Variants in DLG2 observed in about 807,000 individuals in gnomAD.
DLG2 encodes the protein discs large MAGUK scaffold protein 2.
DLG2 carries 45 observed loss-of-function variants against 132.5 expected under a neutral mutation model. The observed-to-expected ratio is 0.34, with a 90% CI of 0.27 to 0.44. The LOEUF (loss-of-function observed/expected upper bound fraction) is 0.44, where lower values mean the gene tolerates loss of function less well. DLG2 is among the 20% of genes least tolerant of loss of function. DLG2 has a pLI of 1.00. For missense variants in DLG2, 1,045 were observed against 1,196.9 expected (o/e 0.87, Z 1.87); for synonymous variants, 424 against 419.6 (o/e 1.01, Z -0.13).
intron 19 of DLG2, among the ~76,000 whole-genome samples, chr11:83,612,283 G>C (rs1285371661): frequency 6.6e-6 from 1 of 152,162 alleles, no homozygotes; most frequent in Admixed American, 6.5e-5. Context: ...TTTAGAACAG[G>C]CTTCTCAACT....
At chr11:85,197,030 C>T (rs547286577) in intron 4 of DLG2, among the ~76,000 whole-genome samples, 1 of 152,256 alleles carries the variant, frequency 6.6e-6, no homozygotes, top group Admixed American at 6.5e-5. Context: ...AAATTTTTCT[C>T]CTTTCTACAT....
chr11:83,965,268 T>C (rs1329890097), intron 13 of DLG2, 56 bp downstream of exon 13: 55 of 1,538,442 alleles, frequency 3.6e-5, no homozygotes, highest in Admixed American at 7.8e-5. Context: ...AACAGTTTTA[T>C]AGAATTCCAG....
chr11:84,514,342 T>C (rs1194021685), intron 7 of DLG2, among the ~76,000 whole-genome samples: 2 of 152,048 alleles, frequency 1.3e-5, no homozygotes, highest in Non-Finnish European at 2.9e-5. Flanking sequence ...CACTCCTGGG[T>C]ATATACCTAA....
At chr11:84,874,018 A>G (rs2085918640) in intron 6 of DLG2, among the ~76,000 whole-genome samples, 2 of 152,234 alleles carry the variant, frequency 1.3e-5, no homozygotes. Flanking sequence ...GGAAAAACAC[A>G]GAGATTAAAA....
At chr11:84,855,321 C>T (rs190523334) in intron 6 of DLG2, among the ~76,000 whole-genome samples, 1 of 152,136 alleles carries the variant, frequency 6.6e-6, no homozygotes, top group Admixed American at 6.6e-5. Context: ...AAAGTGATAA[C>T]CGGGAATAAT....
At chr11:85,411,133 G>A (rs2089272257) in intron 3 of DLG2, among the ~76,000 whole-genome samples, 2 of 151,760 alleles carry the variant, frequency 1.3e-5, no homozygotes, top group East Asian at 1.9e-4. Flanking sequence ...GAAGTATAAA[G>A]AGAACAAGTA....
chr11:84,214,202 T>TATACATATATATATGAATACATATATAC (rs1566950813), intron 8 of DLG2, among the ~76,000 whole-genome samples: 6 of 147,784 alleles, frequency 4.1e-5, no homozygotes, highest in South Asian at 2.1e-4. Context: ...TTCATATATA[T>TATACATATATATATGAATACATATATAC]ATACATATAT....
At chr11:84,044,099 C>T (rs1036791624) in intron 11 of DLG2, among the ~76,000 whole-genome samples, 4 of 151,666 alleles carry the variant, frequency 2.6e-5, no homozygotes, top group African/African-American at 9.7e-5. Context: ...AGCTCTGGAG[C>T]CAGACACCAG....
In DLG2 at chr11:84,251,246, T is replaced by G; in HGVS notation, c.565A>C (p.Ile189Leu). 6.3e-7 allele frequency: 1 copy of G among 1,583,966 alleles called. No individual in the cohort carries two copies. The highest frequency in any genetic ancestry group is 8.6e-7 in the Non-Finnish European group (1 of 1,168,492). ...ATGAAAAAGTTACTTACATAAGGAATTGTGTCCAAAGTATCTGTGTTGACA... is the reference window on the plus strand; with the variant it reads ...ATGAAAAAGTTACTTACATAAGGAAGTGTGTCCAAAGTATCTGTGTTGACA... ...IIVNTDTLDT[I>L]PYVNGTEIEY... The change falls in exon 8 of 28, where the codon ATT (isoleucine) becomes CTT (leucine). Residue 189 changes from isoleucine (I) to leucine (L), a missense_variant. Coordinates refer to ENST00000376104, the MANE Select transcript of DLG2 (RefSeq NM_001142699.3).
At chr11:83,536,672 A>G (rs2095885632) in intron 20 of DLG2, among the ~76,000 whole-genome samples, 1 of 151,918 alleles carries the variant, frequency 6.6e-6, no homozygotes, top group Non-Finnish European at 1.5e-5. Flanking sequence ...CACTTCACCT[A>G]TAATAGCTAT....
intron 4 of DLG2, among the ~76,000 whole-genome samples, chr11:85,261,034 C>T (rs1012795672): frequency 6.6e-6 from 1 of 152,102 alleles, no homozygotes; most frequent in Non-Finnish European, 1.5e-5. Flanking sequence ...GTGCATCTGG[C>T]TGGGGCCCAG....
intron 6 of DLG2, among the ~76,000 whole-genome samples, chr11:84,892,443 T>C (rs1213392172): frequency 6.6e-6 from 1 of 152,184 alleles, no homozygotes; most frequent in African/African-American, 2.4e-5. Context: ...TCTGCTGCTA[T>C]ACCCCTAGTA....
At chr11:84,822,355 A>G (rs1367184203) in intron 6 of DLG2, among the ~76,000 whole-genome samples, 1 of 151,812 alleles carries the variant, frequency 6.6e-6, no homozygotes, top group East Asian at 1.9e-4. Flanking sequence ...AATTGGAAGG[A>G]GGGGTAAGCT....
intron 7 of DLG2, among the ~76,000 whole-genome samples, chr11:84,455,442 T>G (rs1246284276): frequency 1.3e-5 from 2 of 151,402 alleles, no homozygotes; most frequent in Non-Finnish European, 3.0e-5. Flanking sequence ...CTCTATTTTC[T>G]GCTGCTTGCT....
intron 7 of DLG2, among the ~76,000 whole-genome samples, chr11:84,370,158 T>C (rs1252465317): frequency 1.3e-5 from 2 of 152,166 alleles, no homozygotes; most frequent in African/African-American, 4.8e-5. Context: ...ATATTACAAC[T>C]GTTTGACATA....
intron 3 of DLG2, among the ~76,000 whole-genome samples, chr11:85,398,233 G>A (rs1425126089): frequency 1.3e-5 from 2 of 152,084 alleles, no homozygotes; most frequent in African/African-American, 4.8e-5. Context: ...AAACCAATGA[G>A]AACAAAGACA....
intron 7 of DLG2, among the ~76,000 whole-genome samples, chr11:84,365,736 A>G (rs1425388985): frequency 6.6e-6 from 1 of 151,904 alleles, no homozygotes; most frequent in Non-Finnish European, 1.5e-5. Context: ...GGTTTCAAAG[A>G]ACATCTTTAT....
At chr11:84,895,646 A>G (rs544840920) in intron 6 of DLG2, among the ~76,000 whole-genome samples, 88 of 152,260 alleles carry the variant, frequency 5.8e-4, no homozygotes, top group African/African-American at 2.1e-3. Context: ...TTTTAGTTTT[A>G]TTAGTTTTAT....
At chr11:84,832,875 T>G (rs538319835) in intron 6 of DLG2, among the ~76,000 whole-genome samples, 11 of 151,694 alleles carry the variant, frequency 7.3e-5, no homozygotes, top group East Asian at 5.9e-4. Context: ...AAACTGCTAA[T>G]AGCAATTTTG....
Sources: allele counts gnomAD v4.1 joint callset (sites outside exome capture counted in the v4.1 genomes callset), GRCh38; gene constraint gnomAD v4.1.1; transcripts MANE v1.5; gene names NCBI Gene and HGNC (gene_info 2026-07-23, HGNC 2026-07-21).